Variants in SLC30A8 observed in about 807,000 individuals in gnomAD.
SLC30A8 encodes the protein proton-coupled zinc antiporter SLC30A8.
A neutral mutation model predicts 36.9 loss-of-function variants in SLC30A8; 27 were observed. The ratio of observed to expected loss-of-function variants is 0.73; its 90% CI spans 0.54 to 1.01. The LOEUF (loss-of-function observed/expected upper bound fraction) is 1.01, where lower values mean the gene tolerates loss of function less well. Ranked by LOEUF, SLC30A8 falls within the 50% of genes least tolerant of loss-of-function variation. The pLI is 0.00. For synonymous variants in SLC30A8, 164 were observed against 172.4 expected (o/e 0.95, Z 0.38); for missense variants, 439 against 452.0 (o/e 0.97, Z 0.26).
chr8:117,059,834 T>C (rs1343867015), intron 2 of SLC30A8, among the ~76,000 whole-genome samples: 1 of 152,154 alleles, frequency 6.6e-6, no homozygotes, highest in African/African-American at 2.4e-5. Context: ...GGATGATTAG[T>C]TTGGTAGCTG....
rs368013368 is a variant in SLC30A8, at chr8:116,964,411, A to T, written c.-266+13292A>T. ...AGACTTCCACAATGGTTCCTGAGAG[A>T]TAACCAAGTGAAAAACAAATTTGAA... On this transcript the variant is annotated intron_variant, in intron 1 of 10. Transcript: ENST00000427715. 1.4e-4 allele frequency among the ~76,000 whole-genome samples: 22 copies of T among 152,326 alleles called. No individual in the cohort carries two copies. In the East Asian group the frequency reaches 3.9e-3, roughly 27 times the overall value.
chr8:116,965,970 G>GGA (rs1260305642), intron 1 of SLC30A8, among the ~76,000 whole-genome samples: 2 of 148,488 alleles, frequency 1.3e-5, no homozygotes, highest in Non-Finnish European at 3.0e-5. Flanking sequence ...TGCAACCTCT[G>GGA]CCTCCTGGGT....
At chr8:117,143,470 T>C (rs143762925) in intron 1 of SLC30A8, among the ~76,000 whole-genome samples, 2 of 152,266 alleles carry the variant, frequency 1.3e-5, no homozygotes, top group East Asian at 3.9e-4. Flanking sequence ...TTTTTATAAC[T>C]TTCTTCTTAA....
intron 1 of SLC30A8, among the ~76,000 whole-genome samples, chr8:117,029,935 A>G (rs78875754): frequency 0.013 from 2,020 of 152,312 alleles, 49 homozygotes; most frequent in African/African-American, 0.046. Context: ...TAAAGTACAG[A>G]AGTTCCTAAT....
intron 1 of SLC30A8, among the ~76,000 whole-genome samples, chr8:117,004,445 C>CT (rs1816108226): frequency 6.6e-6 from 1 of 152,018 alleles, no homozygotes; most frequent in Admixed American, 6.6e-5. Flanking sequence ...AAAGTGTTTC[C>CT]TTTTTGGATC....
At chr8:117,115,260 A>C (rs1586541172) in intron 2 of SLC30A8, among the ~76,000 whole-genome samples, 1 of 151,960 alleles carries the variant, frequency 6.6e-6, no homozygotes, top group Non-Finnish European at 1.5e-5. Context: ...GTCTTCTTAA[A>C]TAGAAAACCA....
chr8:117,157,559 T>G, intron 3 of SLC30A8, 132 bp from the exon 4 acceptor site: 2 of 941,496 alleles, frequency 2.1e-6, no homozygotes, highest in South Asian at 4.1e-5. Flanking sequence ...ACTTTTACTT[T>G]GTGAATCACT....
intron 2 of SLC30A8, among the ~76,000 whole-genome samples, chr8:117,068,546 CAGTG>C (rs1818235287): frequency 2.6e-5 from 4 of 152,118 alleles, no homozygotes; most frequent in African/African-American, 9.7e-5. Context: ...TTGCCCATCT[CAGTG>C]AGCATCACCA....
rs191042934 is a variant in SLC30A8, at chr8:117,155,435, A to G, written c.419-2256A>G. On this transcript the variant is annotated intron_variant, in intron 3 of 7. Transcript: ENST00000456015. ...AGAAATTCTTGGGCTTGGTCCTCAT[A>G]AACTTCTGCAAAGGGGAGTCGTAAG... Among the ~76,000 whole-genome samples the G allele has an allele frequency of 1.5e-3, 225 of 152,288 alleles. 1 individual carries two copies. The highest frequency in any genetic ancestry group is 0.014 in the Middle Eastern group (4 of 294).
At chr8:117,003,048 C>A (rs1374178977) in intron 1 of SLC30A8, among the ~76,000 whole-genome samples, 1 of 152,082 alleles carries the variant, frequency 6.6e-6, no homozygotes, top group Non-Finnish European at 1.5e-5. Flanking sequence ...GCCTTATTTT[C>A]ATTAAGAAAT....
At chr8:117,143,831 G>A (rs1012812941) in intron 1 of SLC30A8, among the ~76,000 whole-genome samples, 2 of 152,038 alleles carry the variant, frequency 1.3e-5, no homozygotes, top group African/African-American at 4.8e-5. Context: ...CCCAAGACAG[G>A]GAAGCAGTAC....
intron 6 of SLC30A8, among the ~76,000 whole-genome samples, chr8:117,163,783 A>G (rs1454033818): frequency 6.6e-6 from 1 of 152,222 alleles, no homozygotes; most frequent in East Asian, 1.9e-4. Flanking sequence ...TATAAACACC[A>G]TGCGGAGATA....
intron 2 of SLC30A8, among the ~76,000 whole-genome samples, chr8:117,050,085 GCT>G (rs1817663380): frequency 6.6e-6 from 1 of 152,188 alleles, no homozygotes; most frequent in African/African-American, 2.4e-5. Flanking sequence ...GCAACAGCAT[GCT>G]CTCTTCCACA....
At chr8:116,994,164 T>A (rs1355085342) in intron 1 of SLC30A8, among the ~76,000 whole-genome samples, 4 of 152,042 alleles carry the variant, frequency 2.6e-5, no homozygotes, top group African/African-American at 9.7e-5. Context: ...CAAGGGAATA[T>A]GAATGGAGAG....
At chr8:116,954,038 A>G (rs1395452259) in intron 1 of SLC30A8, among the ~76,000 whole-genome samples, 2 of 152,206 alleles carry the variant, frequency 1.3e-5, no homozygotes, top group African/African-American at 2.4e-5. Flanking sequence ...GTGAGGATGC[A>G]GAGAGTAGTC....
chr8:117,132,667 G>T (rs755164122), upstream of SLC30A8, among the ~76,000 whole-genome samples: 1 of 152,002 alleles, frequency 6.6e-6, no homozygotes, highest in Non-Finnish European at 1.5e-5. Flanking sequence ...GTTGGCCCTT[G>T]GTGGGCAGTT....
At chr8:116,979,139 T>G (rs889036951) in intron 1 of SLC30A8, among the ~76,000 whole-genome samples, 4 of 145,906 alleles carry the variant, frequency 2.7e-5, no homozygotes, top group African/African-American at 7.7e-5. Context: ...CTCGGGAGGC[T>G]GAGGCATGAG....
At chr8:117,089,720 T>C (rs925130011) in intron 2 of SLC30A8, among the ~76,000 whole-genome samples, 3 of 151,994 alleles carry the variant, frequency 2.0e-5, no homozygotes, top group Non-Finnish European at 4.4e-5. Flanking sequence ...ATCACACCTC[T>C]TTCCTCCTTC....
At chr8:117,158,099 A>C (rs1041762015) in intron 4 of SLC30A8, among the ~76,000 whole-genome samples, 2 of 152,220 alleles carry the variant, frequency 1.3e-5, no homozygotes, top group Non-Finnish European at 2.9e-5. Context: ...GTTTGAATAT[A>C]TATTACCAAC....
Sources: allele counts gnomAD v4.1 joint callset (sites outside exome capture counted in the v4.1 genomes callset), GRCh38; gene constraint gnomAD v4.1.1; transcripts MANE v1.5; gene names NCBI Gene and HGNC (gene_info 2026-07-23, HGNC 2026-07-21).